KATNIP: variants seen among roughly 807,000 people sequenced by gnomAD.
KATNIP encodes katanin-interacting protein.
Under a neutral mutation model 174.0 loss-of-function variants are expected in KATNIP, and 126 were observed. The observed-to-expected ratio is 0.72, with a 90% CI of 0.63 to 0.84. The LOEUF is 0.84. KATNIP is among the 40% of genes least tolerant of loss of function. The pLI, the probability that KATNIP is intolerant of heterozygous loss-of-function variation, is 0.00. For synonymous variants in KATNIP, 810 were observed against 835.7 expected, an observed-to-expected ratio of 0.97 and a Z score of 0.53; for missense variants, 1,958 against 2,109.7, an observed-to-expected ratio of 0.93 and a Z score of 1.41.
intron 1 of KATNIP, among the ~76,000 whole-genome samples, chr16:27,566,012 AC>A (rs1057090216): frequency 5.3e-5 from 8 of 151,344 alleles, no homozygotes; most frequent in African/African-American, 1.9e-4. Context: ...CTGTATGGAA[AC>A]CAGCAGCTGT....
intron 1 of KATNIP, among the ~76,000 whole-genome samples, chr16:27,560,879 C>T (rs1036344728): frequency 1.3e-5 from 2 of 152,190 alleles, no homozygotes; most frequent in African/African-American, 4.8e-5. Context: ...ACACTGTAAC[C>T]AGGAAAGAGA....
intron 2 of KATNIP, among the ~76,000 whole-genome samples, chr16:27,605,721 G>A (rs2075680344): frequency 6.6e-6 from 1 of 152,184 alleles, no homozygotes; most frequent in Non-Finnish European, 1.5e-5. Flanking sequence ...AGTATCAACC[G>A]TTGCTTTAGG....
At chr16:27,672,640 G>A (rs1391203027) in intron 6 of KATNIP, among the ~76,000 whole-genome samples, 2 of 152,222 alleles carry the variant, frequency 1.3e-5, no homozygotes, top group Non-Finnish European at 2.9e-5. Flanking sequence ...GAGAGTCTGT[G>A]TTATGCGTGG....
intron 23 of KATNIP, 58 bp from the exon 24 acceptor site, chr16:27,774,887 G>A (rs1482972868): frequency 6.2e-7 from 1 of 1,608,058 alleles, no homozygotes; most frequent in African/African-American, 1.3e-5. Flanking sequence ...CAGCCTGAGG[G>A]TGGCTGGCAG....
chr16:27,716,372 A>G (rs1204401650), intron 13 of KATNIP, among the ~76,000 whole-genome samples: 2 of 152,174 alleles, frequency 1.3e-5, no homozygotes, highest in Non-Finnish European at 2.9e-5. Context: ...GTACTGGAAG[A>G]AGATAATGGT....
intron 14 of KATNIP, among the ~76,000 whole-genome samples, chr16:27,726,739 C>T (rs373791526): frequency 5.3e-4 from 80 of 152,304 alleles, no homozygotes; most frequent in African/African-American, 1.6e-3. Flanking sequence ...AGGCCTTCCC[C>T]GAGCTCAGTG....
chr16:27,600,551 T>C (rs2075484559), intron 2 of KATNIP, among the ~76,000 whole-genome samples: 1 of 152,082 alleles, frequency 6.6e-6, no homozygotes. Flanking sequence ...TGGAGTCTCC[T>C]GGCATCTGCT....
intron 13 of KATNIP, among the ~76,000 whole-genome samples, chr16:27,716,933 C>T (rs911992977): frequency 2.6e-5 from 4 of 152,158 alleles, no homozygotes; most frequent in African/African-American, 9.7e-5. Flanking sequence ...CAACCTCCAC[C>T]TCCCGGGTTC....
chr16:27,638,558 G>A (rs1234570237), intron 5 of KATNIP, among the ~76,000 whole-genome samples: 1 of 152,150 alleles, frequency 6.6e-6, no homozygotes, highest in African/African-American at 2.4e-5. Context: ...GTCCCCAGTG[G>A]CCAGTGGCCA....
At chr16:27,679,436 A>G (rs1381930886) in intron 7 of KATNIP, among the ~76,000 whole-genome samples, 4 of 152,134 alleles carry the variant, frequency 2.6e-5, no homozygotes, top group Non-Finnish European at 5.9e-5. Flanking sequence ...AGTCAGGGGT[A>G]CTGGCGGCTA....
At chr16:27,726,716 G>A (rs2080465763) in intron 14 of KATNIP, among the ~76,000 whole-genome samples, 1 of 152,220 alleles carries the variant, frequency 6.6e-6, no homozygotes, top group Non-Finnish European at 1.5e-5. Flanking sequence ...GCTGCTTGGA[G>A]CCAGGTGGCC....
chr16:27,576,033 G>A (rs1050590259), intron 2 of KATNIP, among the ~76,000 whole-genome samples: 3 of 152,190 alleles, frequency 2.0e-5, no homozygotes, highest in African/African-American at 4.8e-5. Flanking sequence ...ACTGACCTGG[G>A]GTGAAGACCA....
chr16:27,660,709 G>A (rs528259487), intron 6 of KATNIP, among the ~76,000 whole-genome samples: 1 of 150,404 alleles, frequency 6.6e-6, no homozygotes, highest in African/African-American at 2.4e-5. Flanking sequence ...ATTCACAGGT[G>A]CAATTATAGT....
Position 27,749,595 on chromosome 16 carries a change from T to C in KATNIP, c.2635T>C (p.Ser879Pro). 6.5e-7 allele frequency: 1 copy of C among 1,529,528 alleles called. No individual in the cohort carries two copies. The highest frequency in any genetic ancestry group is 8.8e-7 in the Non-Finnish European group (1 of 1,139,508). The allele number at this position is 1,529,528 out of a possible 1,614,324, so 94.7% of individuals were successfully genotyped here. A position where few individuals can be genotyped will look rare whatever the true frequency, so the allele number is the denominator to read the frequency against. Residue 879 changes from serine to proline, a missense_variant, in exon 16 of 28, where the codon TCT (serine) becomes CCT (proline). Physicochemically the swap from Ser to Pro is moderately conservative, Grantham distance 74. Coordinates refer to ENST00000261588, the MANE Select transcript of KATNIP (RefSeq NM_015202.5). ...DQPASREDTW[S>P]SRTPSRSRWR... is the part of the protein sequence containing the mutation. Reference sequence around the variant, plus strand: ...GTCCTTTCTTCCAGAAGACACCTGGTCTTCCAGGACGCCGTCACGGTCAAG... The same window carrying C: ...GTCCTTTCTTCCAGAAGACACCTGGCCTTCCAGGACGCCGTCACGGTCAAG...
At position 27,761,511 on chromosome 16, in the gene KATNIP, C is replaced by T. The variant is rs2081954480; in HGVS notation, c.3730C>T (p.His1244Tyr). 3.2e-5 allele frequency: 51 copies of T among 1,614,154 alleles called. No homozygotes were observed. The highest frequency in any genetic ancestry group is 4.2e-5 in the Non-Finnish European group (50 of 1,180,030). Reference sequence around the variant, plus strand: ...CAAGGAGGGCCAGGCGCTGCCCATCCACCTGCACCAGATCTCTGCTTCCCC... The same window carrying T: ...CAAGGAGGGCCAGGCGCTGCCCATCTACCTGCACCAGATCTCTGCTTCCCC... ...VGKEGQALPI[H>Y]LHQISASPRD... The change falls in exon 19 of 28, where the codon CAC becomes TAC. Residue 1244 changes from histidine (H) to tyrosine (Y), a missense_variant. Physicochemically the swap from His to Tyr is moderately conservative, Grantham distance 83. Around this residue, in one of 3 missense-constraint regions of KATNIP, gnomAD observed 1,557 missense variants for 1,617.8 expected, o/e 0.96. Transcript: ENST00000261588.
At chr16:27,766,281 C>T (rs565379455) in intron 19 of KATNIP, 28 bp from the exon 20 acceptor site, 3 of 1,610,948 alleles carry the variant, frequency 1.9e-6, no homozygotes, top group Admixed American at 1.7e-5. Context: ...TGAGCCGCCC[C>T]CCTGCCGCTC....
At chr16:27,632,160 C>T (rs2076508085) in intron 5 of KATNIP, among the ~76,000 whole-genome samples, 1 of 152,150 alleles carries the variant, frequency 6.6e-6, no homozygotes, top group African/African-American at 2.4e-5. Context: ...TCACTCATAC[C>T]TTACCGGGGA....
chr16:27,646,846 AC>A (rs1567247893), intron 5 of KATNIP, among the ~76,000 whole-genome samples: 1 of 151,898 alleles, frequency 6.6e-6, no homozygotes, highest in Non-Finnish European at 1.5e-5. Flanking sequence ...TCACCCAGGA[AC>A]CCCTGTTACT....
chr16:27,686,610 A>T (rs142428919), intron 8 of KATNIP, among the ~76,000 whole-genome samples: 121 of 152,216 alleles, frequency 7.9e-4, no homozygotes, highest in Middle Eastern at 3.4e-3. Context: ...GTTTACATCT[A>T]CTATCTTATT....
Sources: allele counts gnomAD v4.1 joint callset (sites outside exome capture counted in the v4.1 genomes callset), GRCh38; gene constraint gnomAD v4.1.1; regional missense constraint gnomAD v4.1.1; transcripts MANE v1.5; gene names NCBI Gene and HGNC (gene_info 2026-07-23, HGNC 2026-07-21).